CEACAM4: variants seen among roughly 807,000 people sequenced by gnomAD.
CEACAM4 encodes the protein cell adhesion molecule CEACAM4.
In CEACAM4, 30 loss-of-function variants were observed where a neutral mutation model predicts 28.7. The ratio of observed to expected loss-of-function variants is 1.05; its 90% confidence interval spans 0.78 to 1.42. The LOEUF (loss-of-function observed/expected upper bound fraction) is 1.42, where lower values mean the gene tolerates loss of function less well. Among genes scored for constraint, CEACAM4 ranks in the 40% most tolerant of loss-of-function variants. The pLI is 0.00. For missense variants in CEACAM4, 330 were observed against 308.2 expected (o/e 1.07, Z -0.53); for synonymous variants, 143 against 126.5 (o/e 1.13, Z -0.87).
At chr19:41,623,109 C>G (rs1413905108) in intron 2 of CEACAM4, among the ~76,000 whole-genome samples, 6 of 152,192 alleles carry the variant, frequency 3.9e-5, no homozygotes, top group Non-Finnish European at 8.8e-5. Flanking sequence ...CTCCGCTTCA[C>G]AGGTTCAAGC....
At chr19:41,622,800 T>G (rs1179697805) in intron 2 of CEACAM4, among the ~76,000 whole-genome samples, 1 of 152,028 alleles carries the variant, frequency 6.6e-6, no homozygotes, top group Non-Finnish European at 1.5e-5. Context: ...TCACAACCAC[T>G]CTGAGATCCA....
At position 41,625,941 on chromosome 19, in the gene CEACAM4, C is replaced by T; in HGVS notation, c.84G>A (p.Trp28Ter). The T allele has an allele frequency of 6.2e-7, 1 of 1,610,698 alleles. No homozygotes were observed. The highest frequency in any genetic ancestry group is 8.5e-7 in the Non-Finnish European group (1 of 1,178,040). The change falls in exon 2 of 7, where the codon TGG becomes TGA. Residue 28 changes from tryptophan to a stop codon, truncating the protein, a stop_gained. Coordinates refer to ENST00000221954, the MANE Select transcript of CEACAM4 (RefSeq NM_001817.4). LOFTEE classifies it high-confidence loss of function. ...TGAACTGGACAGTGGTGGGCGGGTGCCAGAAGGTTAAAAGTGAGGCTAGGA... is the reference window on the plus strand; with the variant it reads ...TGAACTGGACAGTGGTGGGCGGGTGTCAGAAGGTTAAAAGTGAGGCTAGGA... The part of the protein sequence containing the change: ...LLITASLLTF[W>*]HPPTTVQFTI...
intron 4 of CEACAM4, 151 bp downstream of exon 4, chr19:41,620,424 C>T: frequency 1.2e-6 from 1 of 847,054 alleles, no homozygotes; most frequent in Non-Finnish European, 1.8e-6. Flanking sequence ...TCAGTCTGAA[C>T]AAGACAGTCG....
intron 2 of CEACAM4, among the ~76,000 whole-genome samples, chr19:41,623,621 TC>T (rs1468776927): frequency 3.3e-5 from 5 of 151,760 alleles, no homozygotes; most frequent in Non-Finnish European, 5.9e-5. Context: ...CTCAGTTTTT[TC>T]TCTCCTTTAG....
Position 41,627,048 on chromosome 19 carries a change from C to T in CEACAM4, c.-85G>A, listed in dbSNP as rs1367561278. On this transcript the variant is annotated 5_prime_UTR_variant, in exon 1 of 7. Coordinates refer to ENST00000221954, the MANE Select transcript of CEACAM4 (RefSeq NM_001817.4). ...CAGAGCTGCTGTGACTGTCGGCTGT[C>T]GGGGCTGCTGACCTTCCTCCTTCTG... 2.7e-5 allele frequency: 34 copies of T among 1,243,424 alleles called. No individual in the cohort carries two copies. The highest frequency in any genetic ancestry group is 3.3e-5 in the Non-Finnish European group (30 of 897,340). 77.0% of individuals were successfully genotyped at this position (1,243,424 alleles called of 1,614,324 possible).
At chr19:41,620,438 TC>T in intron 4 of CEACAM4, 136 bp downstream of exon 4, 1 of 871,590 alleles carries the variant, frequency 1.1e-6, no homozygotes, top group Non-Finnish European at 1.7e-6. Flanking sequence ...ACAGTCGGGG[TC>T]CCCTGTGTCA....
At chr19:41,617,764 C>T (rs74328649), downstream of CEACAM4, among the ~76,000 whole-genome samples, 2,384 of 152,216 alleles carry the variant, frequency 0.016, 32 homozygotes, top group Non-Finnish European at 0.025. Context: ...TGCACTCTTC[C>T]CTGGAGCCTC....
downstream of CEACAM4, among the ~76,000 whole-genome samples, chr19:41,617,465 A>C (rs1555799174): frequency 6.6e-6 from 1 of 152,208 alleles, no homozygotes; most frequent in Admixed American, 6.5e-5. Context: ...AGATGTGTAC[A>C]TCCTCATCCC....
At chr19:41,621,200 T>A (rs1423561713) in intron 3 of CEACAM4, among the ~76,000 whole-genome samples, 1 of 151,984 alleles carries the variant, frequency 6.6e-6, no homozygotes, top group Non-Finnish European at 1.5e-5. Context: ...GGGACATCAA[T>A]CACGATGGGG....
At position 41,625,859 on chromosome 19, in the gene CEACAM4, A is replaced by G; in HGVS notation, c.166T>C (p.Cys56Arg). The change falls in exon 2 of 7, where the codon TGC becomes CGC. Residue 56 changes from cysteine to arginine, a missense_variant. Transcript: ENST00000221954. ...GCTTGAATAGTTTCTGAAATATTGCAGGCCAGTAGAAGAACATCCTTTCCC... is the reference window on the plus strand; with the variant it reads ...GCTTGAATAGTTTCTGAAATATTGCGGGCCAGTAGAAGAACATCCTTTCCC... ...AEGKDVLLLA[C>R]NISETIQAYY... is the part of the protein sequence containing the mutation. 1.2e-6 allele frequency: 2 copies of G among 1,613,968 alleles called. No homozygotes were observed. Among genetic ancestry groups the G allele is most frequent in the Non-Finnish European group, 1.7e-6 (2 of 1,179,980 alleles).
intron 1 of CEACAM4, among the ~76,000 whole-genome samples, chr19:41,626,689 T>A (rs1316834545): frequency 6.6e-6 from 1 of 152,204 alleles, no homozygotes; most frequent in Non-Finnish European, 1.5e-5. Flanking sequence ...TCCTGCCTTT[T>A]ACCAATTCCA....
chr19:41,626,102 GT>G (rs2071642076), intron 1 of CEACAM4, 142 bp from the exon 2 acceptor site: 1 of 479,014 alleles, frequency 2.1e-6, no homozygotes, highest in Admixed American at 3.5e-5. Flanking sequence ...GTGTGTGTGT[GT>G]GTGTGTGTGT....
Position 41,620,610 on chromosome 19 carries a change from T to C in CEACAM4, c.560A>G (p.Asp187Gly), listed in dbSNP as rs1555800937. 6.2e-7 allele frequency: 1 copy of C among 1,611,914 alleles called. No homozygotes were observed. The highest frequency in any genetic ancestry group is 2.2e-5 in the East Asian group (1 of 44,696). The change falls in exon 4 of 7, where the codon GAC becomes GGC. Residue 187 changes from aspartate (D) to glycine (G), a missense_variant. Asp to Gly is a moderately conservative substitution (Grantham distance 94). Transcript: ENST00000221954. ...SRTGRASIQR[D>G]LREQPPPAST... is the part of the protein sequence containing the mutation. ...GGCTGGGGGCGGCTGCTCCCTGAGG[T>C]CACGCTGGATGCTGGCCCTAGGAAA...
chr19:41,617,369 A>T (rs924737526), downstream of CEACAM4, among the ~76,000 whole-genome samples: 6 of 152,200 alleles, frequency 3.9e-5, no homozygotes, highest in African/African-American at 1.4e-4. Context: ...TGATGAACCC[A>T]TCCAGGTGCC....
intron 2 of CEACAM4, among the ~76,000 whole-genome samples, chr19:41,622,486 T>C (rs12972738): frequency 0.52 from 79,179 of 151,926 alleles, 23,732 homozygotes; most frequent in African/African-American, 0.84. Context: ...TTTTCAGGGG[T>C]CTTCCATGTG....
At chr19:41,621,619 G>A in intron 3 of CEACAM4, 32 bp downstream of exon 3, 1 of 1,260,606 alleles carries the variant, frequency 7.9e-7, no homozygotes, top group South Asian at 1.2e-5. Context: ...TCAGCCTAGG[G>A]GTGGGAGGAG....
chr19:41,622,849 TATATATAGATAG>T (rs1318437894), intron 2 of CEACAM4, among the ~76,000 whole-genome samples: 144 of 111,318 alleles, frequency 1.3e-3, no homozygotes, highest in African/African-American at 6.0e-3. Context: ...TATATATACA[TATATATAGATAG>T]ATAGATAGAT....
intron 2 of CEACAM4, among the ~76,000 whole-genome samples, chr19:41,624,032 G>A (rs2071482478): frequency 6.6e-6 from 1 of 152,152 alleles, no homozygotes; most frequent in South Asian, 2.1e-4. Context: ...TGAGACATGG[G>A]TCTTAGGCTC....
the CEACAM4 span, among the ~76,000 whole-genome samples, chr19:41,613,720 G>C: frequency 6.6e-6 from 1 of 152,126 alleles, no homozygotes; most frequent in African/African-American, 2.4e-5. Flanking sequence ...GGCAGGGTGT[G>C]GGGTCAGTGG....
Sources: gnomAD v4.1 joint callset for allele counts (sites outside exome capture counted in the v4.1 genomes callset) on GRCh38, gnomAD v4.1.1 for gene constraint, MANE v1.5 for transcripts, NCBI Gene and HGNC (gene_info 2026-07-23, HGNC 2026-07-21) for gene names.